Variants in R3HCC1L observed in about 807,000 individuals in gnomAD.
R3HCC1L encodes coiled-coil domain-containing protein R3HCC1L.
Under a neutral mutation model 59.9 loss-of-function variants are expected in R3HCC1L, and 51 were observed. The ratio of observed to expected loss-of-function variants is 0.85; its 90% confidence interval spans 0.68 to 1.07. The LOEUF is 1.07. Among genes scored for constraint, R3HCC1L ranks in the 50% least tolerant of loss-of-function variants. The pLI is 0.00. For synonymous variants in R3HCC1L, 322 were observed against 315.2 expected, an observed-to-expected ratio of 1.02 and a Z score of -0.23; for missense variants, 965 against 933.0, an observed-to-expected ratio of 1.03 and a Z score of -0.45.
intron 4 of R3HCC1L, among the ~76,000 whole-genome samples, chr10:98,173,187 A>C (rs1848681054): frequency 6.6e-6 from 1 of 152,182 alleles, no homozygotes; most frequent in African/African-American, 2.4e-5. Context: ...AAAATGGATG[A>C]TCCCTAAAAT....
chr10:98,214,374 G>GTA (rs931689559), intron 5 of R3HCC1L, among the ~76,000 whole-genome samples: 16 of 152,130 alleles, frequency 1.1e-4, no homozygotes, highest in African/African-American at 2.6e-4. Flanking sequence ...ATTTGTCAGG[G>GTA]TATATATATA....
At chr10:98,217,248 A>AT (rs762163318) in intron 5 of R3HCC1L, among the ~76,000 whole-genome samples, 15 of 151,990 alleles carry the variant, frequency 9.9e-5, no homozygotes, top group Non-Finnish European at 2.2e-4. Context: ...TAGACATCCA[A>AT]TTTTTTCAGC....
intron 1 of R3HCC1L, among the ~76,000 whole-genome samples, chr10:98,148,798 G>C (rs897806932): frequency 6.6e-6 from 1 of 151,982 alleles, no homozygotes; most frequent in African/African-American, 2.4e-5. Flanking sequence ...GTATTTTTAC[G>C]TCTATGTTCA....
intron 1 of R3HCC1L, among the ~76,000 whole-genome samples, chr10:98,148,863 G>T (rs1401814122): frequency 6.6e-6 from 1 of 152,114 alleles, no homozygotes; most frequent in Non-Finnish European, 1.5e-5. Flanking sequence ...ACTGGTTTTG[G>T]AATCAGGGTA....
chr10:98,144,190 A>ATATT (rs751820772), intron 1 of R3HCC1L, among the ~76,000 whole-genome samples: 286 of 152,056 alleles, frequency 1.9e-3, no homozygotes, highest in Non-Finnish European at 3.2e-3. Flanking sequence ...CTGGGCAGTA[A>ATATT]TATTTATTTA....
intron 4 of R3HCC1L, among the ~76,000 whole-genome samples, chr10:98,186,234 T>C (rs2134705261): frequency 6.6e-6 from 1 of 152,280 alleles, no homozygotes; most frequent in Non-Finnish European, 1.5e-5. Flanking sequence ...CTAAGTAATA[T>C]GTAAGTCATG....
intron 9 of R3HCC1L, among the ~76,000 whole-genome samples, chr10:98,239,005 G>A (rs1417183485): frequency 1.3e-5 from 2 of 152,118 alleles, no homozygotes; most frequent in Non-Finnish European, 2.9e-5. Context: ...AGGAAATCTG[G>A]GCTCTAATAG....
chr10:98,182,709 C>T (rs866614177), intron 4 of R3HCC1L, among the ~76,000 whole-genome samples: 4 of 152,154 alleles, frequency 2.6e-5, no homozygotes, highest in South Asian at 2.1e-4. Flanking sequence ...TTGAACTTCC[C>T]GGCCGCTTTG....
chr10:98,162,672 TTGTGTGTGTGTG>T (rs138697556), intron 2 of R3HCC1L, among the ~76,000 whole-genome samples, 199 bp from the exon 3 acceptor site: 1 of 148,030 alleles, frequency 6.8e-6, no homozygotes, highest in African/African-American at 2.5e-5. Context: ...GTGTGTGTGT[TTGTGTGTGTGTG>T]TGTGTGTGTG....
chr10:98,136,660 AC>A (rs991692779), intron 1 of R3HCC1L, among the ~76,000 whole-genome samples: 1 of 152,040 alleles, frequency 6.6e-6, no homozygotes, highest in African/African-American at 2.4e-5. Flanking sequence ...ACATAATGAA[AC>A]CCCATCTCTA....
chr10:98,204,542 C>T (rs140394157), intron 4 of R3HCC1L, among the ~76,000 whole-genome samples: 105 of 152,202 alleles, frequency 6.9e-4, no homozygotes, highest in African/African-American at 2.4e-3. Context: ...GCGTTTCTTG[C>T]CTATAGTTGC....
rs556738496 is a variant in R3HCC1L, at chr10:98,149,507, C to G, written c.-267-6586C>G. On this transcript the variant is annotated intron_variant, in intron 1 of 9. Transcript: ENST00000298999. ...TGCTATAACTTCCCTCTTACCGCTG[C>G]TTTTGCTGTATTCTATAGATTGTGG... 9.2e-5 allele frequency among the ~76,000 whole-genome samples: 14 copies of G among 152,206 alleles called. No individual in the cohort carries two copies. In the South Asian group the frequency reaches 1.0e-3, roughly 11 times the overall value.
chr10:98,214,014 A>G lies in R3HCC1L; in HGVS notation c.1785+4115A>G, dbSNP rs369025950. Among the ~76,000 whole-genome samples, 5 of 152,282 alleles carry G rather than the reference A, an allele frequency of 3.3e-5. No homozygotes were observed. In the South Asian group the frequency reaches 1.0e-3, roughly 32 times the overall value. ...GAATGATGACTAGATCTCTGGTCCA[A>G]ACAGAAAGAGGGAACATTAAGTAGA... On this transcript the variant is annotated intron_variant, in intron 5 of 9. Coordinates refer to ENST00000298999, the MANE Select transcript of R3HCC1L (RefSeq NM_001351015.2).
rs192794724 is a variant in R3HCC1L at position 98,228,147 on chromosome 10, G to A, written c.1786-3365G>A. Among the ~76,000 whole-genome samples, 6 of 152,306 alleles carry A rather than the reference G, an allele frequency of 3.9e-5. No homozygotes were observed. In the East Asian group the frequency reaches 1.2e-3, roughly 29 times the overall value. ...GGTATTTCTAGTTCTAGATCCCTGA[G>A]GAATTGCCACACTGTCTTCCACAAT... is the stretch of plus-strand genomic sequence containing the variant. On this transcript the variant is annotated intron_variant, in intron 5 of 9. Transcript: ENST00000298999.
At chr10:98,183,796 G>A (rs375676236) in intron 4 of R3HCC1L, among the ~76,000 whole-genome samples, 26 of 152,006 alleles carry the variant, frequency 1.7e-4, no homozygotes, top group East Asian at 7.7e-4. Context: ...TCTTCTTACC[G>A]TTTCCATCCC....
chr10:98,199,181 TTAAAC>T (rs2135059021), intron 4 of R3HCC1L, among the ~76,000 whole-genome samples: 1 of 152,222 alleles, frequency 6.6e-6, no homozygotes, highest in African/African-American at 2.4e-5. Flanking sequence ...TAGATCATTC[TTAAAC>T]TAAAGAGTAG....
At chr10:98,234,728 T>C (rs1856731440) in intron 7 of R3HCC1L, among the ~76,000 whole-genome samples, 1 of 152,210 alleles carries the variant, frequency 6.6e-6, no homozygotes, top group African/African-American at 2.4e-5. Flanking sequence ...AGTCAACACC[T>C]TCCAAGGTTA....
chr10:98,229,855 T>G (rs955242955), intron 5 of R3HCC1L, among the ~76,000 whole-genome samples: 2 of 152,202 alleles, frequency 1.3e-5, no homozygotes, highest in African/African-American at 4.8e-5. Flanking sequence ...GTTTTTGTTG[T>G]TGGTTCTGTT....
At chr10:98,134,988 C>T (rs1844397996) in intron 1 of R3HCC1L, among the ~76,000 whole-genome samples, 1 of 152,190 alleles carries the variant, frequency 6.6e-6, no homozygotes, top group Non-Finnish European at 1.5e-5. Context: ...CCAAATGATC[C>T]TGGCGGAAAG....
Sources: allele counts gnomAD v4.1 joint callset (sites outside exome capture counted in the v4.1 genomes callset), GRCh38; gene constraint gnomAD v4.1.1; transcripts MANE v1.5; gene names NCBI Gene and HGNC (gene_info 2026-07-23, HGNC 2026-07-21).